ENTREP2: variants seen among roughly 807,000 people sequenced by gnomAD.
ENTREP2 encodes the protein protein ENTREP2.
chr15:29,234,687 G>A, the ENTREP2 span: 2 of 1,558,906 alleles, frequency 1.3e-6, no homozygotes, highest in Non-Finnish European at 8.8e-7. Context: ...GGGTCATTGG[G>A]TACAGTCATA....
chr15:29,480,470 G>A, the ENTREP2 span, among the ~76,000 whole-genome samples: 3 of 151,742 alleles, frequency 2.0e-5, no homozygotes, highest in South Asian at 2.1e-4. Context: ...TGTTCCCTGC[G>A]TGGACAGCAC....
At chr15:29,675,185 T>C in the ENTREP2 span, 1 of 152,740 alleles carries the variant, frequency 6.5e-6, no homozygotes, top group South Asian at 2.1e-4. Flanking sequence ...CTCCCCTGCC[T>C]CCTGGCCGCC....
the ENTREP2 span, among the ~76,000 whole-genome samples, chr15:29,332,849 C>T: frequency 6.6e-6 from 1 of 151,418 alleles, no homozygotes; most frequent in East Asian, 2.0e-4. Context: ...ATCCCAGCTA[C>T]TCGGGAGGCT....
At chr15:29,476,327 G>A in the ENTREP2 span, among the ~76,000 whole-genome samples, 4 of 152,174 alleles carry the variant, frequency 2.6e-5, no homozygotes, top group East Asian at 7.7e-4. Flanking sequence ...CCCATAAAAG[G>A]GAAAACGTCT....
chr15:29,395,791 C>G, the ENTREP2 span, among the ~76,000 whole-genome samples: 1 of 151,898 alleles, frequency 6.6e-6, no homozygotes, highest in Non-Finnish European at 1.5e-5. Context: ...GCCTGGGCCT[C>G]GAAAAGTGCT....
chr15:29,118,145 GTC>G, the ENTREP2 span: 8 of 152,788 alleles, frequency 5.2e-5, no homozygotes, highest in Admixed American at 2.6e-4. Flanking sequence ...TTGTCTCGAA[GTC>G]TCTTTTTTTG....
chr15:29,163,903 G>C, the ENTREP2 span, among the ~76,000 whole-genome samples: 101 of 152,268 alleles, frequency 6.6e-4, no homozygotes, highest in African/African-American at 2.3e-3. Context: ...AGAATTTTAA[G>C]AGCTGTGAGA....
the ENTREP2 span, among the ~76,000 whole-genome samples, chr15:29,295,695 G>A: frequency 5.3e-5 from 8 of 152,154 alleles, no homozygotes; most frequent in Non-Finnish European, 8.8e-5. Flanking sequence ...TTCCTTGAAC[G>A]GAAGCACTGC....
At chr15:29,386,091 C>T in the ENTREP2 span, among the ~76,000 whole-genome samples, 1 of 152,164 alleles carries the variant, frequency 6.6e-6, no homozygotes, top group African/African-American at 2.4e-5. Flanking sequence ...GCTACCTCCA[C>T]CACTCAATTA....
the ENTREP2 span, among the ~76,000 whole-genome samples, chr15:29,257,234 G>A: frequency 5.9e-5 from 9 of 151,928 alleles, no homozygotes; most frequent in South Asian, 2.1e-4. Flanking sequence ...CCACCACACC[G>A]GGGTAATTTT....
chr15:29,367,481 A>G, the ENTREP2 span, among the ~76,000 whole-genome samples: 1 of 152,244 alleles, frequency 6.6e-6, no homozygotes, highest in East Asian at 1.9e-4. Flanking sequence ...CTGCCTAATC[A>G]GTAGATAATA....
chr15:29,334,615 C>T, the ENTREP2 span, among the ~76,000 whole-genome samples: 1 of 149,348 alleles, frequency 6.7e-6, no homozygotes, highest in African/African-American at 2.6e-5. Flanking sequence ...AAGGTTAACA[C>T]TGAAAAGGAA....
the ENTREP2 span, among the ~76,000 whole-genome samples, chr15:29,300,819 G>A: frequency 6.6e-6 from 1 of 152,136 alleles, no homozygotes; most frequent in African/African-American, 2.4e-5. Flanking sequence ...AGACAGTCTC[G>A]ATCTCTTGAC....
At chr15:29,265,336 A>G in the ENTREP2 span, 1 of 152,254 alleles carries the variant, frequency 6.6e-6, no homozygotes, top group Non-Finnish European at 1.5e-5. Flanking sequence ...GAAGACAGGC[A>G]TATGATGCTA....
At chr15:29,453,731 T>C in the ENTREP2 span, among the ~76,000 whole-genome samples, 1 of 152,308 alleles carries the variant, frequency 6.6e-6, no homozygotes, top group African/African-American at 2.4e-5. Context: ...TTTTTGTACA[T>C]GCACATTGTA....
chr15:29,166,664 T>C, the ENTREP2 span, among the ~76,000 whole-genome samples: 2 of 152,162 alleles, frequency 1.3e-5, no homozygotes, highest in African/African-American at 4.8e-5. Context: ...CTGAAAGTAA[T>C]CATAAACAAC....
the ENTREP2 span, among the ~76,000 whole-genome samples, chr15:29,238,221 G>C: frequency 6.6e-6 from 1 of 152,186 alleles, no homozygotes; most frequent in Admixed American, 6.6e-5. Flanking sequence ...GAGAGCTAAA[G>C]GTACAGGGTT....
chr15:29,503,742 G>A, the ENTREP2 span, among the ~76,000 whole-genome samples: 1 of 152,228 alleles, frequency 6.6e-6, no homozygotes, highest in Admixed American at 6.5e-5. Flanking sequence ...TAATGAATAT[G>A]CAGCAAAAAA....
At chr15:29,398,149 C>T in the ENTREP2 span, among the ~76,000 whole-genome samples, 2 of 148,924 alleles carry the variant, frequency 1.3e-5, no homozygotes, top group South Asian at 4.5e-4. Flanking sequence ...CTTAGCATTC[C>T]TCATCTACTA....
Sources: gnomAD v4.1 joint callset for allele counts (sites outside exome capture counted in the v4.1 genomes callset) on GRCh38, gnomAD v4.1.1 for gene constraint, MANE v1.5 for transcripts, NCBI Gene and HGNC (gene_info 2026-07-23, HGNC 2026-07-21) for gene names.